The following TSHR variants were observed in gnomAD, a reference collection of about 807,000 sequenced individuals.
TSHR encodes the protein thyroid stimulating hormone receptor.
Under a neutral mutation model 64.1 loss-of-function variants are expected in TSHR, and 51 were observed. The ratio of observed to expected loss-of-function variants is 0.80; its 90% CI spans 0.64 to 1.01. The LOEUF (loss-of-function observed/expected upper bound fraction) is 1.01. Ranked by LOEUF, TSHR falls within the 50% of genes least tolerant of loss-of-function variation. The pLI, the probability that TSHR is intolerant of heterozygous loss-of-function variation, is 0.00. For synonymous variants in TSHR, 361 were observed against 361.9 expected, an observed-to-expected ratio of 1.00 and a Z score of 0.03; for missense variants, 877 against 942.8, an observed-to-expected ratio of 0.93 and a Z score of 0.91.
At chr14:81,110,445 C>A (rs554925893) in intron 8 of TSHR, among the ~76,000 whole-genome samples, 8 of 152,288 alleles carry the variant, frequency 5.3e-5, no homozygotes, top group African/African-American at 1.9e-4. Flanking sequence ...CATCTGCAAG[C>A]CAGGGAGAGA....
At chr14:81,121,261 C>A (rs1890780167) in intron 8 of TSHR, among the ~76,000 whole-genome samples, 1 of 152,032 alleles carries the variant, frequency 6.6e-6, no homozygotes, top group Non-Finnish European at 1.5e-5. Flanking sequence ...GGCGTCTAGA[C>A]AGAGAAATCA....
At chr14:81,100,369 C>T (rs1889499034) in intron 7 of TSHR, among the ~76,000 whole-genome samples, 1 of 152,144 alleles carries the variant, frequency 6.6e-6, no homozygotes, top group Non-Finnish European at 1.5e-5. Context: ...GGAAAAAAAT[C>T]AAGGTGTTTT....
chr14:80,988,793 T>C (rs1294761140), intron 1 of TSHR, among the ~76,000 whole-genome samples: 1 of 152,236 alleles, frequency 6.6e-6, no homozygotes, highest in Non-Finnish European at 1.5e-5. Flanking sequence ...CGAACATCTC[T>C]GATAGTTTGA....
intron 2 of TSHR, among the ~76,000 whole-genome samples, chr14:81,064,253 G>A (rs548882792): frequency 1.3e-5 from 2 of 152,240 alleles, no homozygotes; most frequent in East Asian, 1.9e-4. Context: ...GATGATCATT[G>A]AGTGGGAATA....
At chr14:81,082,612 G>A (rs992805660) in intron 3 of TSHR, among the ~76,000 whole-genome samples, 5 of 152,150 alleles carry the variant, frequency 3.3e-5, no homozygotes, top group Non-Finnish European at 2.9e-5. Context: ...GCATTTAAAA[G>A]TAAACGGGAA....
intron 8 of TSHR, among the ~76,000 whole-genome samples, chr14:81,132,269 G>A (rs1891279735): frequency 6.6e-6 from 1 of 152,144 alleles, no homozygotes; most frequent in Non-Finnish European, 1.5e-5. Context: ...AAAGACACTT[G>A]CAATTGCTGT....
At chr14:81,030,168 T>A (rs1263567561) in intron 1 of TSHR, among the ~76,000 whole-genome samples, 1 of 152,180 alleles carries the variant, frequency 6.6e-6, no homozygotes, top group Non-Finnish European at 1.5e-5. Context: ...TGTTCCAGTA[T>A]GAACATTCAA....
chr14:81,112,401 T>C (rs1890263021), intron 8 of TSHR, among the ~76,000 whole-genome samples: 12 of 152,118 alleles, frequency 7.9e-5, no homozygotes, highest in Admixed American at 7.9e-4. Flanking sequence ...CAAAATGGGG[T>C]TCCATCCTGG....
intron 3 of TSHR, among the ~76,000 whole-genome samples, chr14:81,074,155 GA>G (rs1388753254): frequency 2.6e-5 from 4 of 152,042 alleles, no homozygotes; most frequent in Admixed American, 1.3e-4. Flanking sequence ...ATTAAAAAGA[GA>G]ATGAGTTTAA....
chr14:81,033,348 G>A (rs1302417904), intron 1 of TSHR: 7 of 294,324 alleles, frequency 2.4e-5, no homozygotes, highest in Non-Finnish European at 4.7e-5. Flanking sequence ...AGACAGCTCC[G>A]AAAGTGAATG....
At chr14:81,047,800 C>G (rs552334445) in intron 1 of TSHR, among the ~76,000 whole-genome samples, 7 of 152,004 alleles carry the variant, frequency 4.6e-5, no homozygotes, top group Non-Finnish European at 8.8e-5. Flanking sequence ...GTGCCCACCA[C>G]CATGCCCTGC....
At chr14:80,966,440 T>C (rs960886008) in intron 1 of TSHR, among the ~76,000 whole-genome samples, 3 of 152,186 alleles carry the variant, frequency 2.0e-5, no homozygotes, top group Non-Finnish European at 4.4e-5. Flanking sequence ...TGGCATTTTA[T>C]TGTAAAATGT....
At chr14:80,974,981 C>A (rs544543368) in intron 1 of TSHR, among the ~76,000 whole-genome samples, 1 of 152,120 alleles carries the variant, frequency 6.6e-6, no homozygotes, top group Admixed American at 6.5e-5. Flanking sequence ...AGTCAGGAGA[C>A]CTTCCATAAG....
At chr14:80,969,692 A>G (rs555416353) in intron 1 of TSHR, among the ~76,000 whole-genome samples, 9 of 152,298 alleles carry the variant, frequency 5.9e-5, no homozygotes, top group Non-Finnish European at 1.0e-4. Context: ...CATTTCTCCA[A>G]AACTGGATGG....
At chr14:81,115,009 C>G (rs1010180506) in intron 8 of TSHR, among the ~76,000 whole-genome samples, 2 of 152,110 alleles carry the variant, frequency 1.3e-5, no homozygotes, top group African/African-American at 4.8e-5. Flanking sequence ...GAAAGGACAT[C>G]CACACCAAAA....
chr14:81,047,664 C>CTTTTT (rs11462189), intron 1 of TSHR, among the ~76,000 whole-genome samples: 16 of 135,480 alleles, frequency 1.2e-4, no homozygotes, highest in African/African-American at 3.5e-4. Flanking sequence ...TTCATTGGCT[C>CTTTTT]TTTTTTTTTT....
intron 1 of TSHR, among the ~76,000 whole-genome samples, chr14:81,004,110 ATACCCTAAATTGATTT>A (rs1329594992): frequency 6.6e-6 from 1 of 152,174 alleles, no homozygotes; most frequent in Non-Finnish European, 1.5e-5. Flanking sequence ...TATGGTTATG[ATACCCTAAATTGATTT>A]TACAATCTAC....
chr14:81,128,658 C>G (rs1408778048), intron 8 of TSHR, among the ~76,000 whole-genome samples: 1 of 152,098 alleles, frequency 6.6e-6, no homozygotes, highest in African/African-American at 2.4e-5. Context: ...TGGTTCTACC[C>G]CAGCCACACT....
At chr14:81,113,568 C>T (rs1245499559) in intron 8 of TSHR, among the ~76,000 whole-genome samples, 1 of 150,016 alleles carries the variant, frequency 6.7e-6, no homozygotes, top group African/African-American at 2.5e-5. Context: ...AATGTGATTT[C>T]CCTGATCTTT....
Sources: gnomAD v4.1 joint callset for allele counts (sites outside exome capture counted in the v4.1 genomes callset) on GRCh38, gnomAD v4.1.1 for gene constraint, MANE v1.5 for transcripts, NCBI Gene and HGNC (gene_info 2026-07-23, HGNC 2026-07-21) for gene names.